The following ZNF407 variants were observed in gnomAD, a reference collection of about 807,000 sequenced individuals.
The protein encoded by ZNF407 is zinc finger protein 407.
A neutral mutation model predicts 131.2 loss-of-function variants in ZNF407; 17 were observed. That is an observed-to-expected ratio of 0.13 (90% CI 0.09 to 0.19). ZNF407 has a LOEUF of 0.19. Among genes scored for constraint, ZNF407 ranks in the 10% least tolerant of loss-of-function variants. ZNF407 has a pLI of 1.00. For missense variants in ZNF407, 2,681 were observed against 2,830.6 expected, an observed-to-expected ratio of 0.95 and a Z score of 1.20; for synonymous variants, 1,156 against 1,062.0, an observed-to-expected ratio of 1.09 and a Z score of -1.72.
At chr18:74,604,032 G>C (rs1394037962) in intron 1 of ZNF407, among the ~76,000 whole-genome samples, 1 of 152,154 alleles carries the variant, frequency 6.6e-6, no homozygotes, top group Admixed American at 6.5e-5. Flanking sequence ...AATGGACTTA[G>C]GGGTCTGGTA....
chr18:74,849,116 T>C (rs1306143462), intron 4 of ZNF407, among the ~76,000 whole-genome samples: 1 of 150,538 alleles, frequency 6.6e-6, no homozygotes, highest in Middle Eastern at 3.2e-3. Flanking sequence ...TTTTCTCTTG[T>C]CACTCAGGCT....
intron 8 of ZNF407, among the ~76,000 whole-genome samples, chr18:74,923,121 C>T (rs1341030244): frequency 3.3e-5 from 5 of 152,070 alleles, no homozygotes; most frequent in Middle Eastern, 3.4e-3. Flanking sequence ...ACCAGTAAAA[C>T]GATTTTTGTA....
At chr18:75,038,681 G>GAC (rs1210320543) in intron 8 of ZNF407, among the ~76,000 whole-genome samples, 1 of 152,202 alleles carries the variant, frequency 6.6e-6, no homozygotes, top group Non-Finnish European at 1.5e-5. Context: ...GAAACAGAAT[G>GAC]ACACCACCAT....
At chr18:74,988,418 G>T (rs1020191870) in intron 8 of ZNF407, among the ~76,000 whole-genome samples, 2 of 151,624 alleles carry the variant, frequency 1.3e-5, no homozygotes, top group Non-Finnish European at 2.9e-5. Context: ...AACCATCAAA[G>T]TTGAAAGCTT....
intron 8 of ZNF407, among the ~76,000 whole-genome samples, chr18:74,954,897 T>C (rs1972258242): frequency 6.6e-6 from 1 of 152,162 alleles, no homozygotes; most frequent in South Asian, 2.1e-4. Flanking sequence ...TAAGGACAGG[T>C]GTCACTGGAT....
chr18:74,829,810 G>A (rs2145115752), intron 4 of ZNF407, among the ~76,000 whole-genome samples: 1 of 150,418 alleles, frequency 6.6e-6, no homozygotes, highest in South Asian at 2.2e-4. Context: ...ACCTAAGAGA[G>A]CCTGTTTTTT....
chr18:74,639,165 A>C (rs998725311), intron 2 of ZNF407, among the ~76,000 whole-genome samples: 1 of 152,180 alleles, frequency 6.6e-6, no homozygotes, highest in Non-Finnish European at 1.5e-5. Flanking sequence ...AATTGAACAC[A>C]CCAGAGACCC....
At chr18:74,641,254 A>T in intron 3 of ZNF407, 132 bp downstream of exon 3, 1 of 648,054 alleles carries the variant, frequency 1.5e-6, no homozygotes, top group Non-Finnish European at 2.8e-6. Flanking sequence ...TTCCATTGTT[A>T]TGGTAAATTC....
chr18:74,703,312 CAG>C lies in ZNF407; in HGVS notation c.4802+62195_4802+62196del, dbSNP rs1274419688. 2.0e-5 allele frequency among the ~76,000 whole-genome samples: 3 copies of C among 152,176 alleles called. No homozygotes were observed. The highest frequency in any genetic ancestry group is 2.0e-4 in the Admixed American group (3 of 15,276). On this transcript the variant is annotated intron_variant, in intron 3 of 8. Coordinates refer to ENST00000299687, the MANE Select transcript of ZNF407 (RefSeq NM_017757.3). The surrounding 1 kb of genome is among the most constrained non-coding windows in gnomAD (Gnocchi z 4.1). ...GAGACGACCCATTACAGAGCTACCA[CAG>C]AGAGTTTTAGATCTCTCTCTCTCTC...
chr18:75,013,454 C>T (rs1225107509), intron 8 of ZNF407, among the ~76,000 whole-genome samples: 1 of 152,056 alleles, frequency 6.6e-6, no homozygotes, highest in Non-Finnish European at 1.5e-5. Flanking sequence ...TTATCTTCCT[C>T]TAATAAAAAA....
intron 3 of ZNF407, among the ~76,000 whole-genome samples, chr18:74,754,427 T>C (rs924011827): frequency 1.3e-5 from 2 of 152,246 alleles, no homozygotes; most frequent in African/African-American, 2.4e-5. Context: ...TCTAGTTCTT[T>C]TAATTGTGAT....
intron 7 of ZNF407, 70 bp from the exon 8 acceptor site, chr18:74,920,444 T>C: frequency 7.7e-7 from 1 of 1,299,416 alleles, no homozygotes; most frequent in East Asian, 2.4e-5. Context: ...TGTTATGTAA[T>C]ATCATTATTT....
chr18:75,027,960 G>A (rs1292272796), intron 8 of ZNF407, among the ~76,000 whole-genome samples: 4 of 152,178 alleles, frequency 2.6e-5, no homozygotes, highest in African/African-American at 4.8e-5. Flanking sequence ...GCACTGTGCC[G>A]TGGCAATGGT....
intron 8 of ZNF407, among the ~76,000 whole-genome samples, chr18:75,049,834 A>T (rs545683615): frequency 3.9e-5 from 6 of 152,274 alleles, no homozygotes; most frequent in African/African-American, 1.4e-4. Context: ...TAAAACTTGG[A>T]GCTCAAGCTT....
intron 3 of ZNF407, among the ~76,000 whole-genome samples, chr18:74,677,584 T>C (rs1986444775): frequency 6.6e-6 from 1 of 152,182 alleles, no homozygotes; most frequent in African/African-American, 2.4e-5. Flanking sequence ...GATACAGATC[T>C]CTGCACCTAG....
chr18:74,936,209 A>T (rs1972038327), intron 8 of ZNF407, among the ~76,000 whole-genome samples: 1 of 152,182 alleles, frequency 6.6e-6, no homozygotes, highest in South Asian at 2.1e-4. Context: ...TGAAATCCAG[A>T]GCTATCTATT....
chr18:74,850,938 T>G (rs1970774305), intron 4 of ZNF407, among the ~76,000 whole-genome samples: 1 of 152,178 alleles, frequency 6.6e-6, no homozygotes, highest in Admixed American at 6.6e-5. Context: ...AAAGATTTCT[T>G]AAATGAATGA....
intron 4 of ZNF407, among the ~76,000 whole-genome samples, chr18:74,785,361 C>T (rs999621446): frequency 6.6e-6 from 1 of 152,088 alleles, no homozygotes. Flanking sequence ...TTACTGAGCC[C>T]TGAAATTTGT....
chr18:74,654,089 A>G (rs749347907), intron 3 of ZNF407, among the ~76,000 whole-genome samples: 5 of 151,864 alleles, frequency 3.3e-5, no homozygotes, highest in Non-Finnish European at 5.9e-5. Context: ...AATTCAAGGA[A>G]TAATTCTGCT....
Sources: gnomAD v4.1 joint callset for allele counts (sites outside exome capture counted in the v4.1 genomes callset) on GRCh38, gnomAD v4.1.1 for gene constraint, Gnocchi (gnomAD v3.1) non-coding constraint, MANE v1.5 for transcripts, NCBI Gene and HGNC (gene_info 2026-07-23, HGNC 2026-07-21) for gene names.